The following FAM13A variants were observed in gnomAD, a reference collection of about 807,000 sequenced individuals.
FAM13A encodes the protein family with sequence similarity 13 member A, also known as protein FAM13A.
In FAM13A, 76 loss-of-function variants were observed where a neutral mutation model predicts 129.6. The ratio of observed to expected loss-of-function variants is 0.59; its 90% confidence interval spans 0.49 to 0.71. The LOEUF is 0.71. Ranked by LOEUF, FAM13A falls within the 30% of genes least tolerant of loss-of-function variation. The pLI, the probability that FAM13A is intolerant of heterozygous loss-of-function variation, is 0.00. For synonymous variants in FAM13A, 443 were observed against 449.9 expected (o/e 0.98, Z 0.20); for missense variants, 1,108 against 1,249.3 (o/e 0.89, Z 1.70).
intron 4 of FAM13A, among the ~76,000 whole-genome samples, chr4:88,975,361 A>C (rs1760751985): frequency 6.6e-6 from 1 of 152,188 alleles, no homozygotes; most frequent in Admixed American, 6.5e-5. Context: ...ACATACTCCC[A>C]CATATAATGT....
chr4:88,759,931 A>G lies in FAM13A; in HGVS notation c.1579-1030T>C, dbSNP rs183226768. On this transcript the variant is annotated intron_variant, in intron 13 of 23. Transcript: ENST00000264344. ...CTCTTCCCTGTCTCACACAATTATA[A>G]ACAAAAGTGTTTATGAAACAGTTTG... Among the ~76,000 whole-genome samples, 31 of 152,338 alleles carry G rather than the reference A, an allele frequency of 2.0e-4. No homozygotes were observed. The East Asian group carries it at 5.8e-3, about 28-fold the overall frequency.
Position 88,990,897 on chromosome 4 carries a change from C to T in FAM13A, c.605+76G>A, listed in dbSNP as rs1301126750. 8 of 1,114,164 alleles carry T rather than the reference C, an allele frequency of 7.2e-6. No homozygotes were observed. The East Asian group carries it at 1.2e-4, about 17-fold the overall frequency. 69.0% of individuals were successfully genotyped at this position (1,114,164 alleles called of 1,614,324 possible). The stretch of plus-strand genomic sequence containing the variant: ...ATTTTCAGACTGAAATATGCTTCTA[C>T]ATCCCAGTAATTTCAGACAGTAGTA... On this transcript the variant is annotated intron_variant, in intron 4 of 23. Transcript: ENST00000264344.
At chr4:89,005,909 A>C (rs1264300571) in intron 3 of FAM13A, among the ~76,000 whole-genome samples, 2 of 152,160 alleles carry the variant, frequency 1.3e-5, no homozygotes, top group Non-Finnish European at 2.9e-5. Context: ...GAAGCTCTTA[A>C]GTTTAATTAG....
intron 6 of FAM13A, among the ~76,000 whole-genome samples, chr4:88,863,766 G>A (rs1420869663): frequency 6.6e-6 from 1 of 152,106 alleles, no homozygotes; most frequent in Non-Finnish European, 1.5e-5. Flanking sequence ...GGAGGATGTA[G>A]AAAGAAAAAG....
chr4:89,002,494 A>G (rs927095678), intron 3 of FAM13A, among the ~76,000 whole-genome samples: 1 of 152,216 alleles, frequency 6.6e-6, no homozygotes, highest in Non-Finnish European at 1.5e-5. Context: ...ATGGGAAGTA[A>G]GCATACTACT....
intron 4 of FAM13A, 67 bp downstream of exon 4, chr4:88,990,906 A>G: frequency 1.7e-6 from 2 of 1,208,302 alleles, no homozygotes; most frequent in Admixed American, 3.6e-5. Flanking sequence ...ACATCCCAGT[A>G]ATTTCAGACA....
chr4:88,952,902 C>T (rs189401941), intron 4 of FAM13A, among the ~76,000 whole-genome samples: 5 of 152,012 alleles, frequency 3.3e-5, no homozygotes, highest in East Asian at 1.9e-4. Flanking sequence ...GAGTCGAGAT[C>T]GTGCCACTGC....
At chr4:88,817,968 C>T (rs1446009245) in intron 7 of FAM13A, among the ~76,000 whole-genome samples, 2 of 151,978 alleles carry the variant, frequency 1.3e-5, no homozygotes, top group African/African-American at 4.8e-5. Context: ...AAACAAAACC[C>T]ACAAAACCAA....
At chr4:89,037,145 C>T (rs1035096780) in intron 1 of FAM13A, among the ~76,000 whole-genome samples, 10 of 152,214 alleles carry the variant, frequency 6.6e-5, no homozygotes, top group African/African-American at 2.4e-4. Context: ...GATCCACTGA[C>T]AGCTTGCATC....
At chr4:89,028,340 G>C (rs1768254180) in intron 2 of FAM13A, among the ~76,000 whole-genome samples, 1 of 152,070 alleles carries the variant, frequency 6.6e-6, no homozygotes, top group African/African-American at 2.4e-5. Flanking sequence ...ATAAGGGCGG[G>C]GGGGATTACT....
chr4:89,013,213 C>T (rs1400100701), intron 3 of FAM13A, among the ~76,000 whole-genome samples: 2 of 151,414 alleles, frequency 1.3e-5, no homozygotes, highest in Non-Finnish European at 2.9e-5. Flanking sequence ...AGTAATCCTT[C>T]CTATCTTTCA....
At chr4:88,903,104 G>A (rs995519788) in intron 6 of FAM13A, among the ~76,000 whole-genome samples, 2 of 152,062 alleles carry the variant, frequency 1.3e-5, no homozygotes, top group Admixed American at 6.6e-5. Context: ...AAATCAGAGA[G>A]GACACAAACA....
At chr4:88,941,901 A>T (rs1754822579) in intron 4 of FAM13A, among the ~76,000 whole-genome samples, 1 of 152,200 alleles carries the variant, frequency 6.6e-6, no homozygotes, top group African/African-American at 2.4e-5. Flanking sequence ...AACTGCCGTC[A>T]GTTGCTCTAA....
Position 88,750,567 on chromosome 4 carries a change from C to T in FAM13A, c.1797G>A (p.Gln599=). The change falls in exon 15 of 24, where the codon CAG becomes CAA. Residue 599 remains glutamine (Q), a synonymous_variant. Coordinates refer to ENST00000264344, the MANE Select transcript of FAM13A (RefSeq NM_014883.4). ...SDSDEAHLSP[Q]AGRLIRQLLD... ...GCAGCTGACGGATCAGGCGCCCAGC[C>T]TGCGGCGAGAGGTGGGCTTCATCAG... is the stretch of plus-strand genomic sequence containing the variant. 3.7e-6 allele frequency: 6 copies of T among 1,614,170 alleles called. No individual in the cohort carries two copies. Among genetic ancestry groups the T allele is most frequent in the Non-Finnish European group, 5.1e-6 (6 of 1,180,036 alleles).
At chr4:89,039,302 T>C (rs762162458) in intron 1 of FAM13A, among the ~76,000 whole-genome samples, 5 of 152,220 alleles carry the variant, frequency 3.3e-5, no homozygotes, top group Non-Finnish European at 7.3e-5. Context: ...AAATGTAATA[T>C]ATGAATCTTG....
At chr4:88,983,131 G>C (rs1761847757) in intron 4 of FAM13A, among the ~76,000 whole-genome samples, 3 of 151,998 alleles carry the variant, frequency 2.0e-5, no homozygotes, top group Non-Finnish European at 4.4e-5. Flanking sequence ...GTTCCTTATA[G>C]GTATAAGGAA....
chr4:89,050,764 C>T (rs992447610), intron 1 of FAM13A, among the ~76,000 whole-genome samples: 1 of 151,794 alleles, frequency 6.6e-6, no homozygotes, highest in African/African-American at 2.4e-5. Context: ...CCTGTCTCTA[C>T]TAAAAATACA....
At chr4:88,897,772 A>G (rs1746598750) in intron 6 of FAM13A, among the ~76,000 whole-genome samples, 1 of 152,192 alleles carries the variant, frequency 6.6e-6, no homozygotes, top group African/African-American at 2.4e-5. Flanking sequence ...GCTTTCAAAG[A>G]TCAACTGGAG....
At chr4:88,861,243 T>C (rs1309452235) in intron 6 of FAM13A, among the ~76,000 whole-genome samples, 1 of 151,960 alleles carries the variant, frequency 6.6e-6, no homozygotes, top group African/African-American at 2.4e-5. Flanking sequence ...TAGCCAAGCA[T>C]GGTTGTGCAT....
Sources: gnomAD v4.1 joint callset for allele counts (sites outside exome capture counted in the v4.1 genomes callset) on GRCh38, gnomAD v4.1.1 for gene constraint, MANE v1.5 for transcripts, NCBI Gene and HGNC (gene_info 2026-07-23, HGNC 2026-07-21) for gene names.